GPR19: variants seen among roughly 807,000 people sequenced by gnomAD.
GPR19 encodes the protein G protein-coupled receptor 19.
A neutral mutation model predicts 28.5 loss-of-function variants in GPR19; 14 were observed. The ratio of observed to expected loss-of-function variants is 0.49; its 90% CI spans 0.32 to 0.77. The LOEUF is 0.77. Among genes scored for constraint, GPR19 ranks in the 30% least tolerant of loss-of-function variants. The pLI, the probability that GPR19 is intolerant of heterozygous loss-of-function variation, is 0.03. For synonymous variants in GPR19, 173 were observed against 184.1 expected (o/e 0.94, Z 0.49); for missense variants, 409 against 504.1 (o/e 0.81, Z 1.81).
the GPR19 span, chr12:12,715,007 A>G: frequency 6.6e-6 from 1 of 152,226 alleles, no homozygotes; most frequent in Non-Finnish European, 1.5e-5. Context: ...CCTACATATT[A>G]GTTGAAAGAT....
intron 3 of GPR19, among the ~76,000 whole-genome samples, chr12:12,667,992 G>C (rs1945806599): frequency 6.6e-6 from 1 of 152,136 alleles, no homozygotes; most frequent in African/African-American, 2.4e-5. Context: ...TTAAGATCTT[G>C]CTGGGACATT....
At chr12:12,677,337 G>T (rs1053906451) in intron 3 of GPR19, among the ~76,000 whole-genome samples, 6 of 151,866 alleles carry the variant, frequency 4.0e-5, no homozygotes, top group African/African-American at 1.5e-4. Flanking sequence ...CTCCTGAATA[G>T]CTGGGATTAC....
the GPR19 span, among the ~76,000 whole-genome samples, chr12:12,704,278 G>T: frequency 1.3e-5 from 2 of 152,208 alleles, no homozygotes; most frequent in Non-Finnish European, 2.9e-5. Flanking sequence ...GAGATGGGCG[G>T]ATCACTTGTG....
chr12:12,715,498 G>GT, the GPR19 span, among the ~76,000 whole-genome samples: 6 of 152,200 alleles, frequency 3.9e-5, no homozygotes, highest in African/African-American at 1.4e-4. Context: ...CTAGTGGATG[G>GT]TGATACCACA....
the GPR19 span, among the ~76,000 whole-genome samples, chr12:12,701,922 A>C: frequency 7.5e-4 from 2 of 2,674 alleles, no homozygotes; most frequent in Non-Finnish European, 8.1e-3. Context: ...CCTGTCTCAA[A>C]AAAAAAAAAA....
rs1397478111 is a variant in GPR19, at chr12:12,662,376, T to C, written c.73A>G (p.Asn25Asp). The C allele has an allele frequency of 1.2e-6, 2 of 1,614,064 alleles. No homozygotes were observed. The highest frequency in any genetic ancestry group is 2.7e-5 in the African/African-American group (2 of 74,926). Reference protein sequence around the residue: ...IIPTLLVPLQNRSCTETATPL... With the variant: ...IIPTLLVPLQDRSCTETATPL... Reference sequence around the variant, plus strand: ...GTGGCTGTTTCAGTGCAGCTGCGGTTTTGGAGGGGCACCAGAAGTGTAGGA... The same window carrying C: ...GTGGCTGTTTCAGTGCAGCTGCGGTCTTGGAGGGGCACCAGAAGTGTAGGA... The change falls in exon 4 of 4, where the codon AAC becomes GAC. Residue 25 changes from asparagine to aspartate, a missense_variant. Transcript: ENST00000651487.
At chr12:12,716,706 TA>T in the GPR19 span, 1 of 982,336 alleles carries the variant, frequency 1.0e-6, no homozygotes, top group African/African-American at 1.7e-5. Context: ...GGCTAATTTC[TA>T]AAAGAAAGAC....
chr12:12,701,761 G>C, the GPR19 span, among the ~76,000 whole-genome samples: 1 of 151,996 alleles, frequency 6.6e-6, no homozygotes, highest in South Asian at 2.1e-4. Context: ...CGAAATCCTG[G>C]CTCTACAAAA....
the GPR19 span, among the ~76,000 whole-genome samples, chr12:12,704,220 G>A: frequency 6.6e-6 from 1 of 152,208 alleles, no homozygotes; most frequent in African/African-American, 2.4e-5. Flanking sequence ...ACTATCATAA[G>A]GCCAGGCGCT....
chr12:12,716,866 G>T, the GPR19 span: 1 of 984,508 alleles, frequency 1.0e-6, no homozygotes, highest in Non-Finnish European at 1.2e-6. Context: ...CCCAGCAAAC[G>T]CTCCGCGGCC....
At chr12:12,675,564 C>G (rs560406228) in intron 3 of GPR19, among the ~76,000 whole-genome samples, 85 of 152,310 alleles carry the variant, frequency 5.6e-4, no homozygotes, top group African/African-American at 1.9e-3. Flanking sequence ...TAGGCCCAAT[C>G]TAAGCACATG....
chr12:12,665,066 T>TA (rs1566137224), intron 3 of GPR19, among the ~76,000 whole-genome samples: 4 of 152,164 alleles, frequency 2.6e-5, no homozygotes, highest in South Asian at 2.1e-4. Flanking sequence ...TTAAACTTTT[T>TA]AAAAAACCTG....
intron 3 of GPR19, among the ~76,000 whole-genome samples, chr12:12,666,923 T>C (rs1038326076): frequency 6.6e-6 from 1 of 152,144 alleles, no homozygotes; most frequent in African/African-American, 2.4e-5. Context: ...GAAACAGATA[T>C]CTCATCTAAG....
At chr12:12,673,116 T>G (rs1945877077) in intron 3 of GPR19, among the ~76,000 whole-genome samples, 1 of 152,196 alleles carries the variant, frequency 6.6e-6, no homozygotes, top group Admixed American at 6.5e-5. Context: ...CTCCTCCCTC[T>G]CCTGCCTCTT....
At chr12:12,662,668 C>G (rs1227020727) in intron 3 of GPR19, among the ~76,000 whole-genome samples, 198 bp from the exon 4 acceptor site, 1 of 152,216 alleles carries the variant, frequency 6.6e-6, no homozygotes, top group Non-Finnish European at 1.5e-5. Flanking sequence ...ATTTTAGGAG[C>G]TGTTTCAGCA....
At chr12:12,716,990 C>A in the GPR19 span, 2 of 994,536 alleles carry the variant, frequency 2.0e-6, no homozygotes, top group Non-Finnish European at 2.4e-6. Flanking sequence ...GTCCAGGTCC[C>A]GGCTTCCCGG....
At chr12:12,666,149 C>A (rs1460348250) in intron 3 of GPR19, among the ~76,000 whole-genome samples, 1 of 151,978 alleles carries the variant, frequency 6.6e-6, no homozygotes, top group Non-Finnish European at 1.5e-5. Flanking sequence ...TTTTTGGGGC[C>A]CTTTTCCCCT....
rs988897775 is a variant in GPR19 at position 12,662,480 on chromosome 12, G to A, written c.-22-10C>T. ...TTTTTTTCTCTTAATTCTGGTTGGG[G>A]AAAAGAAGAATGAGGCCTCCTGTTA... On this transcript the variant is annotated splice_polypyrimidine_tract_variant and intron_variant, in intron 3 of 3. Transcript: ENST00000651487. 3 of 1,597,422 alleles carry A rather than the reference G, an allele frequency of 1.9e-6. No homozygotes were observed. The highest frequency in any genetic ancestry group is 2.6e-6 in the Non-Finnish European group (3 of 1,170,208).
chr12:12,716,652 T>C, the GPR19 span: 1 of 528,858 alleles, frequency 1.9e-6, no homozygotes, highest in Middle Eastern at 9.4e-4. Flanking sequence ...CTTATTTTCA[T>C]TGAGGGAGAG....
Sources: gnomAD v4.1 joint callset for allele counts (sites outside exome capture counted in the v4.1 genomes callset) on GRCh38, gnomAD v4.1.1 for gene constraint, MANE v1.5 for transcripts, NCBI Gene and HGNC (gene_info 2026-07-23, HGNC 2026-07-21) for gene names.